KIF2A: variants seen among roughly 807,000 people sequenced by gnomAD.
KIF2A encodes the protein kinesin family member 2A, also known as kinesin-like protein KIF2A.
In KIF2A, 22 loss-of-function variants were observed where a neutral mutation model predicts 100.2. That is an observed-to-expected ratio of 0.22 (90% CI 0.16 to 0.31). The LOEUF (loss-of-function observed/expected upper bound fraction) is 0.31. Among genes scored for constraint, KIF2A ranks in the 10% least tolerant of loss-of-function variants. KIF2A has a pLI of 1.00. For missense variants in KIF2A, 495 were observed against 898.7 expected (o/e 0.55, Z 5.74); for synonymous variants, 268 against 285.9 (o/e 0.94, Z 0.63).
intron 1 of KIF2A, among the ~76,000 whole-genome samples, chr5:62,317,451 G>A (rs1491003977): frequency 1.3e-5 from 2 of 152,156 alleles, no homozygotes; most frequent in Non-Finnish European, 2.9e-5. Context: ...TACTGCTGTT[G>A]GTCAAAACTT....
intron 5 of KIF2A, 176 bp from the exon 6 acceptor site, chr5:62,353,099 T>C: frequency 2.0e-6 from 1 of 492,432 alleles, no homozygotes; most frequent in South Asian, 3.7e-5. Context: ...CTGTACATTG[T>C]CCTATTTTAG....
At chr5:62,307,930 A>G (rs1224814204) in intron 1 of KIF2A, among the ~76,000 whole-genome samples, 1 of 152,048 alleles carries the variant, frequency 6.6e-6, no homozygotes, top group African/African-American at 2.4e-5. Flanking sequence ...GATTCCTTTT[A>G]TGAGTGCCTT....
chr5:62,358,668 A>G (rs1748234616), intron 9 of KIF2A, among the ~76,000 whole-genome samples: 2 of 152,202 alleles, frequency 1.3e-5, no homozygotes, highest in Non-Finnish European at 2.9e-5. Context: ...GTACTAATAA[A>G]GAAACTTGAA....
intron 4 of KIF2A, among the ~76,000 whole-genome samples, chr5:62,351,493 A>C (rs905268059): frequency 1.9e-4 from 29 of 151,962 alleles, no homozygotes; most frequent in Admixed American, 7.2e-4. Flanking sequence ...TAATGAATTT[A>C]TTTTCTATTG....
chr5:62,348,313 A>G lies in KIF2A; in HGVS notation c.279+146A>G, dbSNP rs1413456705. 7.1e-6 allele frequency: 5 copies of G among 704,350 alleles called. No homozygotes were observed. The East Asian group carries it at 8.6e-5, about 12-fold the overall frequency. 43.6% of individuals were successfully genotyped at this position (704,350 alleles called of 1,614,324 possible). The stretch of plus-strand genomic sequence containing the variant: ...TCTGCCATCATATTCATATATATAC[A>G]TACATATTTTCAAGGATTGAGGTTG... On this transcript the variant is annotated intron_variant, in intron 3 of 20. Transcript: ENST00000407818.
At chr5:62,352,877 G>A (rs913922924) in intron 5 of KIF2A, 167 bp downstream of exon 5, 1 of 538,784 alleles carries the variant, frequency 1.9e-6, no homozygotes, top group Non-Finnish European at 3.0e-6. Flanking sequence ...TCTGTTAATT[G>A]GGTTTTTTAA....
chr5:62,306,627 C>T (rs1216979551), intron 1 of KIF2A, 91 bp downstream of exon 1: 3 of 1,049,798 alleles, frequency 2.9e-6, no homozygotes, highest in Non-Finnish European at 4.2e-6. Context: ...TCATTGATTG[C>T]TTCGCCGGGC....
chr5:62,381,085 G>T (rs771623055), intron 19 of KIF2A, 33 bp from the exon 20 acceptor site: 1 of 1,563,508 alleles, frequency 6.4e-7, no homozygotes, highest in South Asian at 1.1e-5. Context: ...GCACAAAGAT[G>T]CTTATTGGAT....
At chr5:62,375,083 ATAATT>A (rs924274525) in intron 18 of KIF2A, among the ~76,000 whole-genome samples, 2 of 152,242 alleles carry the variant, frequency 1.3e-5, no homozygotes, top group African/African-American at 4.8e-5. Flanking sequence ...ATGATACTTT[ATAATT>A]TAAATTTTTG....
At chr5:62,346,798 C>A in intron 1 of KIF2A, among the ~76,000 whole-genome samples, 1 of 152,272 alleles carries the variant, frequency 6.6e-6, no homozygotes, top group Non-Finnish European at 1.5e-5. Flanking sequence ...ATTTTTGGCT[C>A]ATAGTAAGGA....
At chr5:62,325,155 C>T (rs1027863409) in intron 1 of KIF2A, among the ~76,000 whole-genome samples, 2 of 151,934 alleles carry the variant, frequency 1.3e-5, no homozygotes, top group East Asian at 1.9e-4. Flanking sequence ...GACAGAGTCT[C>T]GCTCTGTCAC....
At chr5:62,312,434 A>T (rs971790173) in intron 1 of KIF2A, among the ~76,000 whole-genome samples, 1 of 152,240 alleles carries the variant, frequency 6.6e-6, no homozygotes, top group Non-Finnish European at 1.5e-5. Flanking sequence ...TGTGATTAAT[A>T]TGACATTAAT....
intron 16 of KIF2A, among the ~76,000 whole-genome samples, chr5:62,370,728 C>T (rs1361206136): frequency 6.6e-6 from 1 of 152,140 alleles, no homozygotes; most frequent in African/African-American, 2.4e-5. Flanking sequence ...AGCAGAGATA[C>T]TTAATCTTTG....
intron 1 of KIF2A, among the ~76,000 whole-genome samples, chr5:62,342,618 G>C (rs550060965): frequency 9.2e-5 from 14 of 152,262 alleles, no homozygotes; most frequent in African/African-American, 3.4e-4. Flanking sequence ...GCACCCTACT[G>C]GGTTGACCAA....
intron 1 of KIF2A, among the ~76,000 whole-genome samples, chr5:62,318,886 AATTGAACCC>A (rs1745965016): frequency 6.6e-6 from 1 of 152,180 alleles, no homozygotes; most frequent in East Asian, 1.9e-4. Context: ...GCATGTCCAA[AATTGAACCC>A]ATCACCCCTT....
intron 16 of KIF2A, among the ~76,000 whole-genome samples, chr5:62,369,747 A>G (rs1387961063): frequency 3.3e-5 from 5 of 151,948 alleles, no homozygotes; most frequent in Admixed American, 3.3e-4. Flanking sequence ...TTTTAGGCCA[A>G]TACTTTGAGG....
At chr5:62,346,915 GATT>G (rs1747598216) in intron 1 of KIF2A, among the ~76,000 whole-genome samples, 1 of 152,150 alleles carries the variant, frequency 6.6e-6, no homozygotes, top group Non-Finnish European at 1.5e-5. Context: ...GGTCTTACCT[GATT>G]TACTGATTTA....
At chr5:62,320,494 A>G (rs1746043158) in intron 1 of KIF2A, among the ~76,000 whole-genome samples, 1 of 151,996 alleles carries the variant, frequency 6.6e-6, no homozygotes, top group Non-Finnish European at 1.5e-5. Flanking sequence ...TCATACTCTT[A>G]TCCACACAGT....
chr5:62,376,512 C>T (rs181465654), intron 18 of KIF2A, among the ~76,000 whole-genome samples: 269 of 152,076 alleles, frequency 1.8e-3, no homozygotes, highest in Non-Finnish European at 2.8e-3. Context: ...CTCCGCCTCC[C>T]GGGTTAAAGT....
Sources: gnomAD v4.1 joint callset for allele counts (sites outside exome capture counted in the v4.1 genomes callset) on GRCh38, gnomAD v4.1.1 for gene constraint, MANE v1.5 for transcripts, NCBI Gene and HGNC (gene_info 2026-07-23, HGNC 2026-07-21) for gene names.